Variants in SCHIP1 observed in about 807,000 individuals in gnomAD.
The protein encoded by SCHIP1 is schwannomin interacting protein 1.
A neutral mutation model predicts 29.7 loss-of-function variants in SCHIP1; 8 were observed. The observed-to-expected ratio is 0.27, with a 90% CI of 0.16 to 0.49. The LOEUF is 0.49. Among genes scored for constraint, SCHIP1 ranks in the 20% least tolerant of loss-of-function variants. SCHIP1 has a pLI of 0.99. For missense variants in SCHIP1, 193 were observed against 294.6 expected (o/e 0.66, Z 2.52); for synonymous variants, 76 against 94.9 (o/e 0.80, Z 1.16).
At chr3:159,393,671 A>G in the SCHIP1 span, among the ~76,000 whole-genome samples, 1 of 150,264 alleles carries the variant, frequency 6.7e-6, no homozygotes, top group Non-Finnish European at 1.5e-5. Context: ...CCATTGATCT[A>G]TATATCTGTT....
chr3:159,364,488 T>C, the SCHIP1 span, among the ~76,000 whole-genome samples: 3 of 152,180 alleles, frequency 2.0e-5, no homozygotes, highest in Non-Finnish European at 2.9e-5. Context: ...GAAGTTTGCA[T>C]CTTAGGACTT....
the SCHIP1 span, among the ~76,000 whole-genome samples, chr3:159,558,616 G>A: frequency 6.6e-6 from 1 of 152,166 alleles, no homozygotes; most frequent in Admixed American, 6.6e-5. Flanking sequence ...ATGGACTAAG[G>A]ACTTGGGAAA....
At chr3:159,350,072 A>G in the SCHIP1 span, among the ~76,000 whole-genome samples, 19 of 152,262 alleles carry the variant, frequency 1.2e-4, no homozygotes, top group African/African-American at 4.1e-4. Context: ...AATCCACAGG[A>G]ATGCTGGGTA....
chr3:159,720,233 TGGGGGGAGGGGGGA>T, the SCHIP1 span, among the ~76,000 whole-genome samples: 2 of 14,208 alleles, frequency 1.4e-4, no homozygotes, highest in Non-Finnish European at 2.7e-4. Flanking sequence ...TATCGTGGGG[TGGGGGGAGGGGGGA>T]GGGGGGAGGA....
At chr3:159,642,945 G>C in the SCHIP1 span, among the ~76,000 whole-genome samples, 1 of 151,970 alleles carries the variant, frequency 6.6e-6, no homozygotes, top group South Asian at 2.1e-4. Context: ...AGATTTTTGG[G>C]GAAGGGGCTA....
the SCHIP1 span, among the ~76,000 whole-genome samples, chr3:159,805,700 G>T: frequency 6.6e-6 from 1 of 151,910 alleles, no homozygotes; most frequent in Non-Finnish European, 1.5e-5. Context: ...GTAAACACTT[G>T]TATGAGTAAA....
At chr3:159,694,626 A>G in the SCHIP1 span, among the ~76,000 whole-genome samples, 4 of 152,190 alleles carry the variant, frequency 2.6e-5, no homozygotes, top group East Asian at 7.7e-4. Flanking sequence ...GACCAATGAC[A>G]TATTTTTAAA....
chr3:159,310,186 AG>A, the SCHIP1 span, among the ~76,000 whole-genome samples: 1 of 152,144 alleles, frequency 6.6e-6, no homozygotes, highest in Non-Finnish European at 1.5e-5. Context: ...ACTACTGATG[AG>A]AATAAAATTG....
the SCHIP1 span, among the ~76,000 whole-genome samples, chr3:159,833,348 A>G: frequency 6.6e-6 from 1 of 152,130 alleles, no homozygotes; most frequent in Admixed American, 6.5e-5. Flanking sequence ...CTCTTCTTCC[A>G]TCTTCAAAGC....
At chr3:159,473,690 A>AG in the SCHIP1 span, among the ~76,000 whole-genome samples, 12 of 147,892 alleles carry the variant, frequency 8.1e-5, no homozygotes, top group African/African-American at 2.8e-4. Flanking sequence ...AAAAAAAAAA[A>AG]AAAAGAAAAG....
intron 1 of SCHIP1, among the ~76,000 whole-genome samples, chr3:159,864,009 A>C (rs1256214978): frequency 6.6e-6 from 1 of 152,154 alleles, no homozygotes; most frequent in Non-Finnish European, 1.5e-5. Context: ...ATTAAAATTC[A>C]TGTTGCTATC....
the SCHIP1 span, among the ~76,000 whole-genome samples, chr3:159,708,822 G>A: frequency 6.6e-6 from 1 of 152,198 alleles, no homozygotes; most frequent in Non-Finnish European, 1.5e-5. Flanking sequence ...CCACCTAACT[G>A]GAGCTGCAAT....
At chr3:159,764,574 G>A in the SCHIP1 span, 2 of 1,605,954 alleles carry the variant, frequency 1.2e-6, no homozygotes, top group Non-Finnish European at 1.7e-6. This position sits in a 1 kb window ranked among gnomAD's most constrained non-coding sequence, Gnocchi z 6.1. Flanking sequence ...CGTCGCCGGG[G>A]GGCAGCCTGG....
the SCHIP1 span, among the ~76,000 whole-genome samples, chr3:159,283,758 T>C: frequency 6.6e-6 from 1 of 152,216 alleles, no homozygotes; most frequent in Non-Finnish European, 1.5e-5. Flanking sequence ...TTGTTAACCA[T>C]GTAATTTTCT....
chr3:159,696,260 A>T, the SCHIP1 span, among the ~76,000 whole-genome samples: 1 of 152,170 alleles, frequency 6.6e-6, no homozygotes, highest in Non-Finnish European at 1.5e-5. Context: ...TCACCCATAC[A>T]GGACAGTGTG....
At chr3:159,472,018 A>G in the SCHIP1 span, among the ~76,000 whole-genome samples, 1 of 152,190 alleles carries the variant, frequency 6.6e-6, no homozygotes. Flanking sequence ...CAAATAAAGA[A>G]AGACAATATT....
the SCHIP1 span, among the ~76,000 whole-genome samples, chr3:159,605,542 T>C: frequency 1.3e-5 from 2 of 152,152 alleles, no homozygotes; most frequent in African/African-American, 4.8e-5. Context: ...GTCACCCAGA[T>C]AGTTAATGGC....
At chr3:159,508,252 G>T in the SCHIP1 span, among the ~76,000 whole-genome samples, 1 of 152,128 alleles carries the variant, frequency 6.6e-6, no homozygotes, top group African/African-American at 2.4e-5. Context: ...GTTTATTTGC[G>T]TAGAGATGTT....
At chr3:159,415,372 T>A in the SCHIP1 span, among the ~76,000 whole-genome samples, 1 of 152,138 alleles carries the variant, frequency 6.6e-6, no homozygotes, top group Non-Finnish European at 1.5e-5. Context: ...CACGGGGGTT[T>A]GTTGTATAAA....
Sources: gnomAD v4.1 joint callset for allele counts (sites outside exome capture counted in the v4.1 genomes callset) on GRCh38, gnomAD v4.1.1 for gene constraint, Gnocchi (gnomAD v3.1) non-coding constraint, MANE v1.5 for transcripts, NCBI Gene and HGNC (gene_info 2026-07-23, HGNC 2026-07-21) for gene names.